Variants in CPVL observed in about 807,000 individuals in gnomAD.
CPVL encodes probable serine carboxypeptidase CPVL.
Under a neutral mutation model 63.7 loss-of-function variants are expected in CPVL, and 51 were observed. The observed-to-expected ratio is 0.80, with a 90% CI of 0.64 to 1.01. The LOEUF is 1.01. Ranked by LOEUF, CPVL falls within the 50% of genes least tolerant of loss-of-function variation. The pLI is 0.00. For missense variants in CPVL, 530 were observed against 573.1 expected (o/e 0.92, Z 0.77); for synonymous variants, 195 against 206.0 (o/e 0.95, Z 0.46).
chr7:29,068,092 C>A lies in CPVL; in HGVS notation c.865-1971G>T, dbSNP rs562381756. On this transcript the variant is annotated intron_variant, in intron 9 of 12. Transcript: ENST00000265394. ...AGATCTCAGCTCACTGCAACTTCTG[C>A]CTCCCGGATTCAAGCAATTCTCCTG... Among the ~76,000 whole-genome samples the A allele has an allele frequency of 3.4e-4, 51 of 151,288 alleles. 2 individuals carry two copies. The highest frequency in any genetic ancestry group is 3.2e-3 in the Admixed American group (49 of 15,190).
intron 7 of CPVL, among the ~76,000 whole-genome samples, chr7:29,077,539 C>T (rs1288314011): frequency 6.6e-6 from 1 of 152,164 alleles, no homozygotes; most frequent in Non-Finnish European, 1.5e-5. Context: ...CCCTGAGGGT[C>T]ATTCTAAGCT....
chr7:29,164,555 C>T (rs953560258), intron 5 of CPVL, among the ~76,000 whole-genome samples: 1 of 151,740 alleles, frequency 6.6e-6, no homozygotes, highest in Admixed American at 6.6e-5. Context: ...GGGGCTGAGG[C>T]GGGCAGATCA....
chr7:29,011,048 G>C (rs1210192831), intron 12 of CPVL: 4 of 152,186 alleles, frequency 2.6e-5, no homozygotes, highest in African/African-American at 4.8e-5. Flanking sequence ...AAAGTAGTTA[G>C]AATTGCCAGT....
chr7:29,040,148 T>C (rs577322978), intron 11 of CPVL, among the ~76,000 whole-genome samples: 1 of 152,290 alleles, frequency 6.6e-6, no homozygotes, highest in African/African-American at 2.4e-5. Flanking sequence ...AAATCAGCCC[T>C]CCAAACTTCC....
intron 9 of CPVL, among the ~76,000 whole-genome samples, chr7:29,069,929 C>A (rs149613803): frequency 6.6e-6 from 1 of 151,934 alleles, no homozygotes; most frequent in Non-Finnish European, 1.5e-5. Flanking sequence ...AGGATCAGAG[C>A]GTCAAACAGG....
At chr7:29,151,979 C>T (rs559856135) in intron 5 of CPVL, among the ~76,000 whole-genome samples, 94 of 152,322 alleles carry the variant, frequency 6.2e-4, no homozygotes, top group South Asian at 2.1e-3. Flanking sequence ...TTGGAGTCTC[C>T]TCTTTTTCTC....
intron 1 of CPVL, chr7:29,194,956 C>T: frequency 1.3e-6 from 2 of 1,576,042 alleles, no homozygotes; most frequent in Non-Finnish European, 1.7e-6. Flanking sequence ...CAGCGTCCAG[C>T]AACTCCAGCC....
At chr7:29,057,788 T>G (rs1007569772) in intron 11 of CPVL, among the ~76,000 whole-genome samples, 2 of 152,200 alleles carry the variant, frequency 1.3e-5, no homozygotes, top group African/African-American at 4.8e-5. Context: ...TAACCTTTGC[T>G]CCTTTATCAA....
chr7:29,081,521 C>T (rs1259296748), intron 7 of CPVL: 1 of 152,342 alleles, frequency 6.6e-6, no homozygotes, highest in East Asian at 1.9e-4. Flanking sequence ...CATTTTGCTG[C>T]TGTCCATATA....
chr7:29,010,464 A>G (rs1785704444), intron 12 of CPVL: 1 of 152,174 alleles, frequency 6.6e-6, no homozygotes, highest in Non-Finnish European at 1.5e-5. Context: ...GAAACAACTC[A>G]TTACTCAATT....
intron 11 of CPVL, among the ~76,000 whole-genome samples, chr7:29,041,000 A>G (rs1464961909): frequency 6.6e-6 from 1 of 152,110 alleles, no homozygotes; most frequent in African/African-American, 2.4e-5. Context: ...TTGCTTGAAT[A>G]TAAAAGTCCT....
intron 11 of CPVL, among the ~76,000 whole-genome samples, chr7:29,038,288 T>C (rs557063725): frequency 6.6e-6 from 1 of 152,208 alleles, no homozygotes; most frequent in South Asian, 2.1e-4. Context: ...CCCTCATGAA[T>C]GGAATTAGTG....
chr7:29,016,217 G>C (rs1285069858), intron 12 of CPVL, among the ~76,000 whole-genome samples: 1 of 152,070 alleles, frequency 6.6e-6, no homozygotes, highest in African/African-American at 2.4e-5. Context: ...CAGATGTGGT[G>C]GTGGGGACCT....
intron 2 of CPVL, among the ~76,000 whole-genome samples, chr7:29,119,596 A>T (rs1053302580): frequency 1.3e-5 from 2 of 152,236 alleles, no homozygotes; most frequent in African/African-American, 4.8e-5. Flanking sequence ...AAAAACCCAC[A>T]ATCTCTAAAT....
intron 1 of CPVL, among the ~76,000 whole-genome samples, chr7:29,132,572 G>A (rs1790806490): frequency 6.6e-6 from 1 of 152,110 alleles, no homozygotes; most frequent in Non-Finnish European, 1.5e-5. Context: ...GTGAATCTGA[G>A]GATTGCTGGG....
At chr7:29,068,497 G>A (rs952583491) in intron 9 of CPVL, among the ~76,000 whole-genome samples, 9 of 152,022 alleles carry the variant, frequency 5.9e-5, no homozygotes, top group Non-Finnish European at 1.2e-4. Flanking sequence ...AGCTCCATGC[G>A]ATGCCTGTGG....
chr7:29,052,834 G>A (rs1200637741), intron 11 of CPVL, among the ~76,000 whole-genome samples: 15 of 151,990 alleles, frequency 9.9e-5, no homozygotes, highest in African/African-American at 2.9e-4. Flanking sequence ...GCTTGAACCC[G>A]GGAGGTGGAG....
chr7:29,019,384 G>T (rs1169282992), intron 12 of CPVL, among the ~76,000 whole-genome samples: 4 of 152,302 alleles, frequency 2.6e-5, no homozygotes, highest in Non-Finnish European at 4.4e-5. Flanking sequence ...AGAAGCACTT[G>T]CTCTTCATCG....
intron 2 of CPVL, among the ~76,000 whole-genome samples, chr7:29,118,674 A>G (rs568705956): frequency 5.8e-4 from 89 of 152,244 alleles, no homozygotes; most frequent in Non-Finnish European, 1.1e-3. Context: ...ACCAAAAAAC[A>G]ATGACATCCT....
Sources: gnomAD v4.1 joint callset for allele counts (sites outside exome capture counted in the v4.1 genomes callset) on GRCh38, gnomAD v4.1.1 for gene constraint, MANE v1.5 for transcripts, NCBI Gene and HGNC (gene_info 2026-07-23, HGNC 2026-07-21) for gene names.